The following KATNIP variants were observed in gnomAD, a reference collection of about 807,000 sequenced individuals.
KATNIP encodes katanin interacting protein, also known as katanin-interacting protein.
In KATNIP, 126 loss-of-function variants were observed where a neutral mutation model predicts 174.0. The observed-to-expected ratio is 0.72, with a 90% confidence interval of 0.63 to 0.84. The LOEUF (loss-of-function observed/expected upper bound fraction) is 0.84, where lower values mean the gene tolerates loss of function less well. KATNIP is among the 40% of genes least tolerant of loss of function. The pLI is 0.00. For synonymous variants in KATNIP, 810 were observed against 835.7 expected (o/e 0.97, Z 0.53); for missense variants, 1,958 against 2,109.7 (o/e 0.93, Z 1.41).
At chr16:27,739,726 G>A (rs1275337337) in intron 14 of KATNIP, among the ~76,000 whole-genome samples, 1 of 152,216 alleles carries the variant, frequency 6.6e-6, no homozygotes, top group Non-Finnish European at 1.5e-5. Flanking sequence ...TGAAGTCCAA[G>A]TTAAAGTAGC....
At chr16:27,585,495 A>G (rs912948065) in intron 2 of KATNIP, among the ~76,000 whole-genome samples, 2 of 152,234 alleles carry the variant, frequency 1.3e-5, no homozygotes, top group African/African-American at 2.4e-5. Context: ...AGCACTGTTC[A>G]TAATAGCCAA....
intron 6 of KATNIP, among the ~76,000 whole-genome samples, chr16:27,650,997 A>AAAAACAATT (rs1482093597): frequency 2.6e-5 from 4 of 152,200 alleles, no homozygotes; most frequent in Non-Finnish European, 1.5e-5. Flanking sequence ...CTTAATTGGG[A>AAAAACAATT]GGCTGGTTTT....
chr16:27,572,656 G>A (rs1204181512), intron 1 of KATNIP, among the ~76,000 whole-genome samples: 2 of 152,146 alleles, frequency 1.3e-5, no homozygotes, highest in African/African-American at 2.4e-5. Flanking sequence ...GGTTCAGGGC[G>A]TGGGATTATG....
chr16:27,592,403 C>A (rs2075204330), intron 2 of KATNIP, among the ~76,000 whole-genome samples: 1 of 149,760 alleles, frequency 6.7e-6, no homozygotes, highest in Non-Finnish European at 1.5e-5. Context: ...CCTGCCTCAG[C>A]CTCCCAAGTA....
At chr16:27,629,095 G>A (rs1413574862) in intron 4 of KATNIP, among the ~76,000 whole-genome samples, 4 of 151,504 alleles carry the variant, frequency 2.6e-5, no homozygotes. Flanking sequence ...TTAAACCTGG[G>A]AGGCGGAGGT....
At chr16:27,602,924 C>T (rs1231019037) in intron 2 of KATNIP, among the ~76,000 whole-genome samples, 3 of 152,172 alleles carry the variant, frequency 2.0e-5, no homozygotes, top group Non-Finnish European at 4.4e-5. Context: ...GTATTGAACT[C>T]CTGGGCTCAA....
chr16:27,608,358 G>T (rs1172129997), intron 2 of KATNIP, among the ~76,000 whole-genome samples: 2 of 142,194 alleles, frequency 1.4e-5, no homozygotes, highest in Non-Finnish European at 1.5e-5. Flanking sequence ...AGCCTCCCAA[G>T]TAGCTGGGAC....
At chr16:27,631,676 A>G (rs1178368423) in intron 5 of KATNIP, among the ~76,000 whole-genome samples, 1 of 151,872 alleles carries the variant, frequency 6.6e-6, no homozygotes, top group Non-Finnish European at 1.5e-5. Flanking sequence ...GGATGTGGCC[A>G]CTCCAGCCCC....
intron 2 of KATNIP, among the ~76,000 whole-genome samples, chr16:27,602,194 CCTT>C (rs1489601288): frequency 6.6e-6 from 1 of 152,180 alleles, no homozygotes; most frequent in East Asian, 1.9e-4. Flanking sequence ...CAGCCTCAAT[CCTT>C]CTACCTGCAG....
chr16:27,599,068 C>T (rs1276583603), intron 2 of KATNIP, among the ~76,000 whole-genome samples: 39 of 152,278 alleles, frequency 2.6e-4, no homozygotes, highest in South Asian at 4.1e-4. Flanking sequence ...GGCATGTGAG[C>T]GATCTGGGCC....
chr16:27,698,221 A>G, intron 8 of KATNIP, 107 bp from the exon 9 acceptor site: 5 of 1,166,824 alleles, frequency 4.3e-6, no homozygotes, highest in Non-Finnish European at 6.1e-6. Flanking sequence ...TTTGGAGAGT[A>G]TGGGCCAGTT....
At chr16:27,628,865 T>A in intron 4 of KATNIP, 35 bp downstream of exon 4, 1 of 1,607,964 alleles carries the variant, frequency 6.2e-7, no homozygotes, top group Non-Finnish European at 8.5e-7. Flanking sequence ...GTCTCAGCTC[T>A]GTTAATCAAA....
chr16:27,575,943 C>T (rs2090481483), intron 2 of KATNIP, among the ~76,000 whole-genome samples: 1 of 152,116 alleles, frequency 6.6e-6, no homozygotes, highest in African/African-American at 2.4e-5. Context: ...TGCCTGTCTT[C>T]CCACAGCATC....
chr16:27,644,424 C>T (rs1180484872), intron 5 of KATNIP: 1 of 152,196 alleles, frequency 6.6e-6, no homozygotes, highest in Non-Finnish European at 1.5e-5. Flanking sequence ...GCCCCATTCA[C>T]AGGCTCCCAC....
intron 2 of KATNIP, among the ~76,000 whole-genome samples, chr16:27,607,594 CTT>C (rs33954778): frequency 0.018 from 1,431 of 78,928 alleles, 5 homozygotes; most frequent in Middle Eastern, 0.029. Flanking sequence ...CAGTCAGTGT[CTT>C]TTTTTTTTTT....
intron 2 of KATNIP, among the ~76,000 whole-genome samples, chr16:27,585,225 A>T (rs2090849292): frequency 6.6e-6 from 1 of 152,194 alleles, no homozygotes; most frequent in African/African-American, 2.4e-5. Context: ...CAAAACTACA[A>T]TGAGATATCA....
At chr16:27,757,459 GC>G in intron 18 of KATNIP, 1 of 982,778 alleles carries the variant, frequency 1.0e-6, no homozygotes, top group Non-Finnish European at 1.2e-6. Context: ...GGCAGAAGCA[GC>G]CACTGTCCCC....
chr16:27,778,885 C>G lies in KATNIP; in HGVS notation c.*256C>G. ...GGAGCCCAGGACACCCGCCTTCATG[C>G]CTCTGCTGTGAGACCCAGCAAAGCA... is the stretch of plus-strand genomic sequence containing the variant. On this transcript the variant is annotated 3_prime_UTR_variant, in exon 28 of 28. Transcript: ENST00000261588. The G allele has an allele frequency of 2.3e-6, 1 of 444,382 alleles. No individual in the cohort carries two copies. The highest frequency in any genetic ancestry group is 4.0e-6 in the Non-Finnish European group (1 of 251,654). 27.5% of individuals were successfully genotyped at this position (444,382 alleles called of 1,614,324 possible).
chr16:27,772,845 G>A (rs114485425), intron 22 of KATNIP, among the ~76,000 whole-genome samples: 15 of 151,912 alleles, frequency 9.9e-5, no homozygotes, highest in Admixed American at 3.3e-4. Flanking sequence ...ACGGGCACAC[G>A]CACACGTGCA....
Sources: gnomAD v4.1 joint callset for allele counts (sites outside exome capture counted in the v4.1 genomes callset) on GRCh38, gnomAD v4.1.1 for gene constraint, MANE v1.5 for transcripts, NCBI Gene and HGNC (gene_info 2026-07-23, HGNC 2026-07-21) for gene names.